Variants in CHST11 observed in about 807,000 individuals in gnomAD.
CHST11 encodes the protein C4S-1.
Under a neutral mutation model 30.4 loss-of-function variants are expected in CHST11, and 9 were observed. The ratio of observed to expected loss-of-function variants is 0.30; its 90% CI spans 0.18 to 0.52. CHST11 has a LOEUF of 0.52. Ranked by LOEUF, CHST11 falls within the 20% of genes least tolerant of loss-of-function variation. CHST11 has a pLI of 0.97. For missense variants in CHST11, 348 were observed against 460.6 expected, an observed-to-expected ratio of 0.76 and a Z score of 2.24; for synonymous variants, 152 against 187.8, an observed-to-expected ratio of 0.81 and a Z score of 1.56.
chr12:104,684,256 GTGGATGGATGGATGGATGGA>G (rs71069772), intron 2 of CHST11, among the ~76,000 whole-genome samples: 30 of 148,042 alleles, frequency 2.0e-4, no homozygotes, highest in Non-Finnish European at 2.8e-4. Context: ...GGTACAAAAT[GTGGATGGATGGATGGATGGA>G]TGGATGGATG....
intron 2 of CHST11, among the ~76,000 whole-genome samples, chr12:104,642,187 A>G (rs1034344034): frequency 3.3e-5 from 5 of 152,152 alleles, no homozygotes; most frequent in African/African-American, 1.2e-4. Context: ...TGATCAAAAT[A>G]TCATGTGGCA....
chr12:104,671,043 A>G (rs2039691306), intron 2 of CHST11, among the ~76,000 whole-genome samples: 1 of 152,240 alleles, frequency 6.6e-6, no homozygotes, highest in Non-Finnish European at 1.5e-5. Context: ...CCCTAAGATC[A>G]TGTTCAGAGC....
intron 2 of CHST11, among the ~76,000 whole-genome samples, chr12:104,644,945 T>A (rs1005504863): frequency 6.6e-6 from 1 of 152,170 alleles, no homozygotes; most frequent in African/African-American, 2.4e-5. Context: ...CTTCTTCCAC[T>A]TTTTTTGTTT....
intron 2 of CHST11, among the ~76,000 whole-genome samples, chr12:104,660,688 C>A (rs995510860): frequency 3.3e-5 from 5 of 152,112 alleles, no homozygotes; most frequent in Non-Finnish European, 5.9e-5. Flanking sequence ...CTTTTTCACA[C>A]CCCCTTCTTC....
chr12:104,694,450 G>A (rs967409909), intron 2 of CHST11, among the ~76,000 whole-genome samples: 1 of 152,140 alleles, frequency 6.6e-6, no homozygotes, highest in Non-Finnish European at 1.5e-5. Context: ...TGGCCAAGAT[G>A]CCACTTTTGA....
intron 2 of CHST11, among the ~76,000 whole-genome samples, chr12:104,684,908 G>A (rs1174852826): frequency 1.3e-5 from 2 of 152,194 alleles, no homozygotes; most frequent in Non-Finnish European, 1.5e-5. Flanking sequence ...TATTTTCTAT[G>A]CAACCTCTTC....
chr12:104,613,118 G>A (rs1292173934), intron 2 of CHST11, among the ~76,000 whole-genome samples: 1 of 151,766 alleles, frequency 6.6e-6, no homozygotes, highest in Non-Finnish European at 1.5e-5. Context: ...CCAGGTACCC[G>A]AGAGACTGAG....
chr12:104,519,558 G>A (rs1462464484), intron 1 of CHST11, among the ~76,000 whole-genome samples: 4 of 152,150 alleles, frequency 2.6e-5, no homozygotes, highest in Admixed American at 6.5e-5. Flanking sequence ...AGAAAAGTGA[G>A]ATGAACGCCT....
intron 2 of CHST11, among the ~76,000 whole-genome samples, chr12:104,603,489 A>T (rs1008626966): frequency 7.2e-5 from 11 of 152,202 alleles, no homozygotes; most frequent in Non-Finnish European, 1.3e-4. Flanking sequence ...CTCAGTACCT[A>T]ACACAGGGCT....
At chr12:104,738,289 C>T (rs1325793758) in intron 2 of CHST11, among the ~76,000 whole-genome samples, 8 of 152,192 alleles carry the variant, frequency 5.3e-5, no homozygotes, top group Non-Finnish European at 8.8e-5. Context: ...AGAGGTGCCC[C>T]GCTCTCTGTC....
Position 104,571,469 on chromosome 12 carries a change from ATAT to A in CHST11, c.119-30431_119-30429del, listed in dbSNP as rs1233204819. 7.9e-5 allele frequency among the ~76,000 whole-genome samples: 12 copies of A among 152,164 alleles called. 1 individual carries two copies. The highest frequency in any genetic ancestry group is 1.8e-4 in the Non-Finnish European group (12 of 68,036). ...TGAGTCCTGCACCCGGCGACAGACAATATTATTAAGAACAATGTTGACTGAACG... is the reference window on the plus strand; with the variant it reads ...TGAGTCCTGCACCCGGCGACAGACAATATTAAGAACAATGTTGACTGAACG... On this transcript the variant is annotated intron_variant, in intron 1 of 2. Transcript: ENST00000303694.
At chr12:104,639,833 T>TA (rs2039358530) in intron 2 of CHST11, among the ~76,000 whole-genome samples, 1 of 151,972 alleles carries the variant, frequency 6.6e-6, no homozygotes, top group Non-Finnish European at 1.5e-5. Context: ...AACACATACC[T>TA]AAAAAAAGAC....
intron 2 of CHST11, among the ~76,000 whole-genome samples, chr12:104,713,263 G>A (rs1320134033): frequency 1.3e-5 from 2 of 152,082 alleles, no homozygotes; most frequent in African/African-American, 4.8e-5. Context: ...TGGCTGGACT[G>A]CATTTATTCT....
At chr12:104,669,132 T>C (rs972585970) in intron 2 of CHST11, among the ~76,000 whole-genome samples, 1 of 152,182 alleles carries the variant, frequency 6.6e-6, no homozygotes, top group African/African-American at 2.4e-5. Context: ...GCTCGCACAA[T>C]CGCCCGCTGT....
intron 2 of CHST11, among the ~76,000 whole-genome samples, chr12:104,747,205 G>A (rs959667431): frequency 6.6e-6 from 1 of 152,180 alleles, no homozygotes; most frequent in African/African-American, 2.4e-5. Flanking sequence ...GCGGCTGCCC[G>A]GGAGCCGATA....
At chr12:104,475,494 C>G (rs1006604692) in intron 1 of CHST11, among the ~76,000 whole-genome samples, 2 of 151,168 alleles carry the variant, frequency 1.3e-5, no homozygotes, top group African/African-American at 4.9e-5. Flanking sequence ...AGGACTGTTC[C>G]TGTGCTAGGG....
intron 2 of CHST11, among the ~76,000 whole-genome samples, chr12:104,610,043 CTGTGTGTGTGTGTG>C (rs56983056): frequency 0.038 from 5,374 of 143,130 alleles, 124 homozygotes; most frequent in Middle Eastern, 0.069. Flanking sequence ...ATGAGTGCCT[CTGTGTGTGTGTGTG>C]TGTGTGTGTG....
At chr12:104,641,373 C>A (rs1241297123) in intron 2 of CHST11, among the ~76,000 whole-genome samples, 1 of 152,164 alleles carries the variant, frequency 6.6e-6, no homozygotes, top group Non-Finnish European at 1.5e-5. Context: ...TCCGGGGCTT[C>A]AGGGGTCATG....
In CHST11 at chr12:104,624,247, G is replaced by A. The variant is rs116765460; in HGVS notation, c.204+22256G>A. ...TCTGAAAAGGGGTTGGTGCATAATC[G>A]GCAGGAGAAGAAAAAGAAGGGAGAC... On this transcript the variant is annotated intron_variant, in intron 2 of 2. Transcript: ENST00000303694. Among the ~76,000 whole-genome samples, 839 of 152,222 alleles carry A rather than the reference G, an allele frequency of 5.5e-3. 7 individuals are homozygous for A. Among genetic ancestry groups the A allele is most frequent in the African/African-American group, 0.018 (759 of 41,532 alleles).
Sources: gnomAD v4.1 joint callset for allele counts (sites outside exome capture counted in the v4.1 genomes callset) on GRCh38, gnomAD v4.1.1 for gene constraint, MANE v1.5 for transcripts, NCBI Gene and HGNC (gene_info 2026-07-23, HGNC 2026-07-21) for gene names.